Variants in NME7 observed in about 807,000 individuals in gnomAD.
NME7 encodes nucleoside diphosphate kinase 7.
NME7 carries 41 observed loss-of-function variants against 49.1 expected under a neutral mutation model. The ratio of observed to expected loss-of-function variants is 0.83; its 90% CI spans 0.65 to 1.08. The LOEUF is 1.08. Ranked by LOEUF, NME7 falls within the 50% of genes least tolerant of loss-of-function variation. The pLI is 0.00. For missense variants in NME7, 423 were observed against 463.4 expected (o/e 0.91, Z 0.80); for synonymous variants, 139 against 150.6 (o/e 0.92, Z 0.56).
intron 1 of NME7, 68 bp from the exon 2 acceptor site, chr1:169,324,568 C>T: frequency 1.1e-6 from 1 of 949,842 alleles, no homozygotes; most frequent in South Asian, 1.5e-5. Flanking sequence ...GTAAGTCACA[C>T]AAAATGAAAT....
chr1:169,233,981 GTCTC>G (rs1320648235), intron 9 of NME7, among the ~76,000 whole-genome samples: 3 of 117,836 alleles, frequency 2.5e-5, no homozygotes, highest in Non-Finnish European at 5.5e-5. Context: ...TTCTTTCTTT[GTCTC>G]TCTCACTCAT....
chr1:169,361,659 A>T (rs965168523), intron 1 of NME7, among the ~76,000 whole-genome samples: 1 of 152,064 alleles, frequency 6.6e-6, no homozygotes, highest in Non-Finnish European at 1.5e-5. Context: ...ATGCGCCAGT[A>T]GTCCCAGCTA....
intron 10 of NME7, among the ~76,000 whole-genome samples, chr1:169,207,177 G>A (rs1362958521): frequency 1.3e-5 from 2 of 152,066 alleles, no homozygotes. Context: ...AGAGATCACA[G>A]GGTAAGGGTG....
intron 10 of NME7, among the ~76,000 whole-genome samples, chr1:169,222,180 A>G (rs2101807542): frequency 6.6e-6 from 1 of 152,254 alleles, no homozygotes; most frequent in Non-Finnish European, 1.5e-5. Context: ...ATTTTCCATC[A>G]TATGAAATAC....
chr1:169,132,798 A>G lies in NME7; in HGVS notation c.1118T>C (p.Ile373Thr), dbSNP rs756803824. Reference sequence around the variant, plus strand: ...CTTTCCACACCACTAATTATCCAAGATCTTGAAGAAGTATTGAACCTGAAA... The same window carrying G: ...CTTTCCACACCACTAATTATCCAAGGTCTTGAAGAAGTATTGAACCTGAAA... Reference protein sequence around the residue: ...GLLEVQYFFKILDN With the variant: ...GLLEVQYFFKTLDN Residue 373 changes from isoleucine to threonine, a missense_variant, in exon 12 of 12, where the codon ATC (isoleucine) becomes ACC (threonine). Coordinates refer to ENST00000367811, the MANE Select transcript of NME7 (RefSeq NM_013330.5). 59 of 1,613,276 alleles carry G rather than the reference A, an allele frequency of 3.7e-5. No individual in the cohort carries two copies. The East Asian group carries it at 8.3e-4, about 23-fold the overall frequency.
At chr1:169,261,058 T>C (rs1344179788) in intron 7 of NME7, among the ~76,000 whole-genome samples, 1 of 132,406 alleles carries the variant, frequency 7.6e-6, no homozygotes, top group African/African-American at 2.6e-5. Context: ...TGACTCTGAA[T>C]CTTAAAATAG....
rs1454787027 is a variant in NME7 at position 169,275,839 on chromosome 1, T to C, written c.754+11464A>G. 2.3e-5 allele frequency among the ~76,000 whole-genome samples: 3 copies of C among 133,286 alleles called. 1 individual carries two copies. The highest frequency in any genetic ancestry group is 7.6e-5 in the African/African-American group (3 of 39,360). 87.4% of individuals were successfully genotyped at this position (133,286 alleles called of 152,430 possible). A position where few individuals can be genotyped will look rare whatever the true frequency, so the allele number is the denominator to read the frequency against. On this transcript the variant is annotated intron_variant, in intron 7 of 11. Coordinates refer to ENST00000367811, the MANE Select transcript of NME7 (RefSeq NM_013330.5). ...CTGTGGGTTTGTCATAGATAGCTCT[T>C]ATTATTTTGAGATACATCCCATCAA... is the stretch of plus-strand genomic sequence containing the variant.
intron 7 of NME7, among the ~76,000 whole-genome samples, chr1:169,275,608 A>G (rs1649684674): frequency 7.6e-6 from 1 of 131,218 alleles, no homozygotes; most frequent in African/African-American, 2.6e-5. Context: ...GGATTTCTAG[A>G]TATACAATCA....
chr1:169,223,259 C>T (rs1661199515), intron 10 of NME7, among the ~76,000 whole-genome samples: 2 of 151,904 alleles, frequency 1.3e-5, no homozygotes, highest in South Asian at 4.2e-4. Flanking sequence ...TTTAATTTTC[C>T]TCCAATCTAT....
intron 7 of NME7, among the ~76,000 whole-genome samples, chr1:169,251,197 G>A (rs181910806): frequency 1.3e-4 from 19 of 151,934 alleles, no homozygotes; most frequent in Non-Finnish European, 1.5e-5. Context: ...ATATCTTCTT[G>A]TTGGATTGAT....
chr1:169,262,580 C>A lies in NME7; in HGVS notation c.754+24723G>T, dbSNP rs1225923955. ...TCATCTGAGAAACCATGATGAGATA[C>A]ATCAAGGCAGCAGGGGAACACAGAG... is the stretch of plus-strand genomic sequence containing the variant. On this transcript the variant is annotated intron_variant, in intron 7 of 11. Coordinates refer to ENST00000367811, the MANE Select transcript of NME7 (RefSeq NM_013330.5). Among the ~76,000 whole-genome samples, 2 of 132,956 alleles carry A rather than the reference C, an allele frequency of 1.5e-5. 1 individual carries two copies. The highest frequency in any genetic ancestry group is 3.5e-5 in the Non-Finnish European group (2 of 56,660). 87.2% of individuals were successfully genotyped at this position (132,956 alleles called of 152,430 possible). A position where few individuals can be genotyped will look rare whatever the true frequency, so the allele number is the denominator to read the frequency against.
chr1:169,363,895 A>G (rs1219418673), intron 1 of NME7, among the ~76,000 whole-genome samples: 1 of 152,226 alleles, frequency 6.6e-6, no homozygotes, highest in South Asian at 2.1e-4. Flanking sequence ...TGCCCTTAGC[A>G]TTCCTGGGAA....
chr1:169,139,073 A>C (rs555838657), intron 11 of NME7, among the ~76,000 whole-genome samples: 1 of 152,166 alleles, frequency 6.6e-6, no homozygotes, highest in African/African-American at 2.4e-5. Context: ...TCTCCTCCCT[A>C]CCTGTAATGA....
At chr1:169,264,654 A>G (rs1052167892) in intron 7 of NME7, among the ~76,000 whole-genome samples, 2 of 133,188 alleles carry the variant, frequency 1.5e-5, no homozygotes, top group African/African-American at 5.1e-5. Context: ...AGATTCATAC[A>G]CAATAATAGT....
intron 4 of NME7, 132 bp downstream of exon 4, chr1:169,309,838 G>T: frequency 3.5e-6 from 2 of 572,926 alleles, no homozygotes; most frequent in Non-Finnish European, 6.0e-6. Context: ...TTCCCATTTT[G>T]GTTAAGTTAC....
At chr1:169,134,584 T>A (rs935564902) in intron 11 of NME7, among the ~76,000 whole-genome samples, 2 of 152,206 alleles carry the variant, frequency 1.3e-5, no homozygotes, top group African/African-American at 4.8e-5. Context: ...CGAGTTAGTA[T>A]GTCCTCAACC....
At chr1:169,268,316 A>G (rs1426878066) in intron 7 of NME7, among the ~76,000 whole-genome samples, 1 of 133,948 alleles carries the variant, frequency 7.5e-6, no homozygotes, top group East Asian at 2.0e-4. Flanking sequence ...GTGGAGAAAA[A>G]GGAACACTTA....
chr1:169,354,909 TATA>T (rs1341061869), intron 1 of NME7, among the ~76,000 whole-genome samples: 3 of 114,842 alleles, frequency 2.6e-5, no homozygotes, highest in African/African-American at 9.5e-5. Flanking sequence ...ATAAAATAAA[TATA>T]ATAAAATATA....
intron 7 of NME7, among the ~76,000 whole-genome samples, chr1:169,273,329 G>C (rs538434600): frequency 2.3e-5 from 3 of 131,606 alleles, no homozygotes; most frequent in Admixed American, 2.3e-4. Flanking sequence ...CTGATCTTGT[G>C]ATAGTTTGCT....
Sources: allele counts gnomAD v4.1 joint callset (sites outside exome capture counted in the v4.1 genomes callset), GRCh38; gene constraint gnomAD v4.1.1; transcripts MANE v1.5; gene names NCBI Gene and HGNC (gene_info 2026-07-23, HGNC 2026-07-21).